The following RBPJ variants were observed in gnomAD, a reference collection of about 807,000 sequenced individuals.
RBPJ encodes recombination signal binding protein for immunoglobulin kappa J region, also known as recombining binding protein suppressor of hairless.
A neutral mutation model predicts 67.8 loss-of-function variants in RBPJ; 9 were observed. The ratio of observed to expected loss-of-function variants is 0.13; its 90% confidence interval spans 0.08 to 0.23. RBPJ has a LOEUF of 0.23. RBPJ is among the 10% of genes least tolerant of loss of function. The pLI is 1.00. For missense variants in RBPJ, 305 were observed against 595.6 expected (o/e 0.51, Z 5.08); for synonymous variants, 198 against 203.3 (o/e 0.97, Z 0.22).
upstream of RBPJ, among the ~76,000 whole-genome samples, chr4:26,315,719 A>G (rs187538879): frequency 1.1e-4 from 16 of 152,258 alleles, no homozygotes; most frequent in Admixed American, 1.0e-3. Context: ...GCAGGGGACC[A>G]GGGCATATTT....
chr4:26,399,964 C>A (rs552085953), intron 2 of RBPJ, among the ~76,000 whole-genome samples: 2 of 152,128 alleles, frequency 1.3e-5, no homozygotes, highest in South Asian at 4.2e-4. Flanking sequence ...CAGGCGTAAT[C>A]CAATTGGTTT....
intron 1 of RBPJ, among the ~76,000 whole-genome samples, chr4:26,373,051 C>T (rs1359969992): frequency 6.6e-6 from 1 of 152,136 alleles, no homozygotes; most frequent in Non-Finnish European, 1.5e-5. Flanking sequence ...TTCATTTTTA[C>T]CACAAATGTA....
intron 1 of RBPJ, among the ~76,000 whole-genome samples, chr4:26,243,404 G>A (rs1442428866): frequency 2.0e-5 from 3 of 152,196 alleles, no homozygotes; most frequent in African/African-American, 7.2e-5. Flanking sequence ...GAGCTTTCAA[G>A]AGAAAAGTAG....
the RBPJ span, among the ~76,000 whole-genome samples, chr4:26,106,016 A>G: frequency 4.6e-5 from 7 of 152,326 alleles, no homozygotes; most frequent in African/African-American, 1.7e-4. Context: ...ATCTGTGATA[A>G]ATAATAGCCT....
Position 26,386,395 on chromosome 4 carries a change from A to G in RBPJ, c.59+4A>G, listed in dbSNP as rs781712332. 10 of 1,582,908 alleles carry G rather than the reference A, an allele frequency of 6.3e-6. No individual in the cohort carries two copies. Among genetic ancestry groups the G allele is most frequent in the South Asian group, 2.3e-5 (2 of 86,490 alleles). On this transcript the variant is annotated splice_donor_region_variant and intron_variant, in intron 2 of 10. Coordinates refer to ENST00000355476, the MANE Select transcript of RBPJ (RefSeq NM_015874.6). ...CTCCACCTAAACGACTTACTAGGTGAGTATTATATTAGTCAGCTTTTTACA... is the reference window on the plus strand; with the variant it reads ...CTCCACCTAAACGACTTACTAGGTGGGTATTATATTAGTCAGCTTTTTACA...
At chr4:26,246,587 T>A (rs897933880) in intron 1 of RBPJ, among the ~76,000 whole-genome samples, 2 of 152,226 alleles carry the variant, frequency 1.3e-5, no homozygotes, top group East Asian at 1.9e-4. Context: ...AAACATAACC[T>A]GTCAGATTGT....
intron 3 of RBPJ, among the ~76,000 whole-genome samples, chr4:26,411,650 A>G (rs530758331): frequency 2.0e-5 from 3 of 152,140 alleles, no homozygotes; most frequent in African/African-American, 7.2e-5. Flanking sequence ...ATTGGAAAGC[A>G]CTTTCAAGAT....
chr4:26,429,630 A>T (rs1736017314), intron 8 of RBPJ, among the ~76,000 whole-genome samples: 1 of 152,252 alleles, frequency 6.6e-6, no homozygotes, highest in African/African-American at 2.4e-5. Context: ...TGGTATACTC[A>T]TAATGGTTGT....
chr4:26,163,347 C>T (rs1248101383), upstream of RBPJ: 1 of 145,590 alleles, frequency 6.9e-6, no homozygotes. Context: ...TACAGATACC[C>T]TTTGTAATCA....
intron 1 of RBPJ, among the ~76,000 whole-genome samples, chr4:26,324,864 A>G (rs541900579): frequency 6.6e-6 from 1 of 152,346 alleles, no homozygotes; most frequent in South Asian, 2.1e-4. Flanking sequence ...GTAGTACAAC[A>G]TGCTTTCACT....
Position 26,388,911 on chromosome 4 carries a change from T to G in RBPJ, c.59+2520T>G, listed in dbSNP as rs532311465. Among the ~76,000 whole-genome samples, 334 of 152,090 alleles carry G rather than the reference T, an allele frequency of 2.2e-3. 1 individual carries two copies. The highest frequency in any genetic ancestry group is 0.013 in the South Asian group (64 of 4,810). On this transcript the variant is annotated intron_variant, in intron 2 of 10. Transcript: ENST00000355476. ...TGGCAAAAATGTTCTAACTGGAAAATTAGTGAAAACTGTAAAACCACAGAT... is the reference window on the plus strand; with the variant it reads ...TGGCAAAAATGTTCTAACTGGAAAAGTAGTGAAAACTGTAAAACCACAGAT...
At chr4:26,152,250 A>G in the RBPJ span, among the ~76,000 whole-genome samples, 1 of 152,332 alleles carries the variant, frequency 6.6e-6, no homozygotes, top group South Asian at 2.1e-4. Flanking sequence ...GTGTAGACAG[A>G]GTTGACACAT....
chr4:26,406,972 G>A (rs897146313), intron 3 of RBPJ, among the ~76,000 whole-genome samples: 1 of 152,140 alleles, frequency 6.6e-6, no homozygotes, highest in African/African-American at 2.4e-5. Context: ...GAGCTTTGAA[G>A]GTGGAACTTT....
chr4:26,312,236 A>G (rs907521461), intron 1 of RBPJ, among the ~76,000 whole-genome samples: 4 of 151,706 alleles, frequency 2.6e-5, no homozygotes, highest in African/African-American at 9.7e-5. Flanking sequence ...GGTTCACGCC[A>G]TTCTCCTGCC....
chr4:26,259,092 A>G (rs1057232604), intron 1 of RBPJ, among the ~76,000 whole-genome samples: 2 of 152,090 alleles, frequency 1.3e-5, no homozygotes, highest in Non-Finnish European at 2.9e-5. Context: ...GTGAGCCACC[A>G]TGCCCGGCCT....
chr4:26,215,274 A>AGGG (rs1174307685), intron 1 of RBPJ, among the ~76,000 whole-genome samples: 3 of 83,850 alleles, frequency 3.6e-5, no homozygotes, highest in African/African-American at 6.5e-5. Context: ...GGAGGGAGGA[A>AGGG]AAAGAGAGAG....
At chr4:26,408,393 C>CT (rs943661971) in intron 3 of RBPJ, among the ~76,000 whole-genome samples, 87 of 140,614 alleles carry the variant, frequency 6.2e-4, no homozygotes, top group African/African-American at 1.4e-3. Flanking sequence ...ATTAGTGGTC[C>CT]TTTTTTTTTT....
At chr4:26,187,307 A>G (rs1412246265) in intron 1 of RBPJ, among the ~76,000 whole-genome samples, 1 of 152,160 alleles carries the variant, frequency 6.6e-6, no homozygotes. Flanking sequence ...ATCTCTTTGA[A>G]CTGTTATTTC....
intron 1 of RBPJ, among the ~76,000 whole-genome samples, chr4:26,381,260 T>G (rs998778002): frequency 6.6e-6 from 1 of 151,994 alleles, no homozygotes; most frequent in African/African-American, 2.4e-5. Flanking sequence ...AGAAGCAAAT[T>G]ATGTGGTTTG....
Sources: allele counts gnomAD v4.1 joint callset (sites outside exome capture counted in the v4.1 genomes callset), GRCh38; gene constraint gnomAD v4.1.1; transcripts MANE v1.5; gene names NCBI Gene and HGNC (gene_info 2026-07-23, HGNC 2026-07-21).